Variants in LINGO2 observed in about 807,000 individuals in gnomAD.
LINGO2 encodes leucine rich repeat and Ig domain containing 2, also known as leucine-rich repeat and immunoglobulin-like domain-containing nogo receptor-interacting protein 2.
Under a neutral mutation model 30.6 loss-of-function variants are expected in LINGO2, and 14 were observed. The observed-to-expected ratio is 0.46, with a 90% CI of 0.30 to 0.72. The LOEUF (loss-of-function observed/expected upper bound fraction) is 0.72. LINGO2 is among the 30% of genes least tolerant of loss of function. LINGO2 has a pLI of 0.07. For missense variants in LINGO2, 729 were observed against 751.7 expected (o/e 0.97, Z 0.35); for synonymous variants, 317 against 288.5 (o/e 1.10, Z -1.00).
the LINGO2 span, among the ~76,000 whole-genome samples, chr9:28,763,991 A>AG: frequency 2.2e-4 from 34 of 151,976 alleles, no homozygotes; most frequent in African/African-American, 8.2e-4. Context: ...AAGTCTGAAT[A>AG]GACCAATAAC....
intron 3 of LINGO2, among the ~76,000 whole-genome samples, chr9:28,338,611 G>A (rs771680753): frequency 6.6e-6 from 1 of 152,124 alleles, no homozygotes; most frequent in Non-Finnish European, 1.5e-5. Flanking sequence ...GGAGGGACCA[G>A]TGGAAGGTAA....
At chr9:27,977,096 C>A (rs1420900420) in intron 5 of LINGO2, among the ~76,000 whole-genome samples, 10 of 150,026 alleles carry the variant, frequency 6.7e-5, no homozygotes, top group African/African-American at 2.4e-4. Context: ...TGCTATCTCT[C>A]AATAATTACG....
intron 4 of LINGO2, among the ~76,000 whole-genome samples, chr9:28,040,034 G>A (rs1394212232): frequency 6.6e-6 from 1 of 152,062 alleles, no homozygotes; most frequent in Non-Finnish European, 1.5e-5. Context: ...CATGAGATAA[G>A]GTGAACTATT....
chr9:28,196,011 C>G (rs543531031), intron 4 of LINGO2, among the ~76,000 whole-genome samples: 1 of 151,438 alleles, frequency 6.6e-6, no homozygotes, highest in East Asian at 1.9e-4. Flanking sequence ...TTTATATAAT[C>G]AACTATATTA....
At chr9:28,703,878 T>C in the LINGO2 span, among the ~76,000 whole-genome samples, 1 of 151,998 alleles carries the variant, frequency 6.6e-6, no homozygotes, top group Non-Finnish European at 1.5e-5. Flanking sequence ...TCCTATTCCT[T>C]GTATTATTTT....
rs543587914 is a variant in LINGO2, at chr9:28,552,655, T to C, written c.-364-76630A>G. Among the ~76,000 whole-genome samples the C allele has an allele frequency of 7.9e-5, 12 of 151,758 alleles. No individual in the cohort carries two copies. The East Asian group carries it at 2.3e-3, about 29-fold the overall frequency. ...GGGAACTTTTTATGATTTTTTTTTT[T>C]CATGAATTCCTATGCTATATTTTCT... On this transcript the variant is annotated intron_variant, in intron 1 of 5. Coordinates refer to ENST00000379992, the Ensembl canonical transcript of LINGO2.
rs1393039277 is a variant in LINGO2, at chr9:28,632,855, T to TA, written c.-365+37344_-365+37345insT. On this transcript the variant is annotated intron_variant, in intron 1 of 5. Coordinates refer to ENST00000379992, the Ensembl canonical transcript of LINGO2. ...TATATATATAAATCTATATATATTT[T>TA]TTATATATATATATATATATATATG... Among the ~76,000 whole-genome samples the TA allele has an allele frequency of 1.1e-3, 116 of 106,384 alleles. 1 individual carries two copies. Among genetic ancestry groups the TA allele is most frequent in the Admixed American group, 1.3e-3 (11 of 8,490 alleles). 69.8% of individuals were successfully genotyped at this position (106,384 alleles called of 152,430 possible).
intron 4 of LINGO2, among the ~76,000 whole-genome samples, chr9:28,061,501 CTTTT>C (rs201404934): frequency 2.7e-5 from 4 of 150,722 alleles, no homozygotes; most frequent in African/African-American, 9.8e-5. Flanking sequence ...TCACCAGATT[CTTTT>C]TTTTTGTTTT....
the LINGO2 span, among the ~76,000 whole-genome samples, chr9:28,996,150 C>A: frequency 2.0e-5 from 3 of 150,528 alleles, no homozygotes; most frequent in Non-Finnish European, 4.4e-5. Flanking sequence ...TGAAGTAAGG[C>A]CTCCTTGCCA....
At chr9:28,922,045 TTG>T in the LINGO2 span, among the ~76,000 whole-genome samples, 1 of 152,118 alleles carries the variant, frequency 6.6e-6, no homozygotes, top group Non-Finnish European at 1.5e-5. Flanking sequence ...TAACAGCTCT[TTG>T]TGTACAGGCA....
the LINGO2 span, among the ~76,000 whole-genome samples, chr9:28,707,299 G>A: frequency 1.3e-5 from 2 of 152,074 alleles, no homozygotes; most frequent in Non-Finnish European, 2.9e-5. Flanking sequence ...GACACAGCAT[G>A]TAGGATGCAA....
chr9:28,952,661 G>A, the LINGO2 span, among the ~76,000 whole-genome samples: 3 of 151,940 alleles, frequency 2.0e-5, no homozygotes, highest in Admixed American at 2.0e-4. Context: ...CGAGACCTAT[G>A]GCCCCCTGAC....
chr9:29,192,154 C>A, the LINGO2 span, among the ~76,000 whole-genome samples: 1 of 152,082 alleles, frequency 6.6e-6, no homozygotes, highest in African/African-American at 2.4e-5. Context: ...TTAGGGTTGT[C>A]AAATTTATTC....
the LINGO2 span, among the ~76,000 whole-genome samples, chr9:28,898,662 C>A: frequency 6.6e-6 from 1 of 151,930 alleles, no homozygotes; most frequent in Non-Finnish European, 1.5e-5. Context: ...GAGTTGCTTT[C>A]TCTCCAAATA....
chr9:28,058,073 TGCCCA>T (rs1825015974), intron 4 of LINGO2, among the ~76,000 whole-genome samples: 1 of 152,152 alleles, frequency 6.6e-6, no homozygotes, highest in Non-Finnish European at 1.5e-5. Context: ...ATTTAGTAAG[TGCCCA>T]ATAAATAGTT....
upstream of LINGO2, among the ~76,000 whole-genome samples, chr9:28,674,873 C>G (rs1829157031): frequency 6.6e-6 from 1 of 152,080 alleles, no homozygotes; most frequent in African/African-American, 2.4e-5. Context: ...GATCGGCAGC[C>G]TCTCACCTGA....
At chr9:28,991,715 A>C in the LINGO2 span, among the ~76,000 whole-genome samples, 1 of 151,354 alleles carries the variant, frequency 6.6e-6, no homozygotes, top group South Asian at 2.1e-4. Context: ...AGTATTCAAC[A>C]TTCTTAAAGA....
chr9:28,878,262 C>T, the LINGO2 span, among the ~76,000 whole-genome samples: 2 of 152,106 alleles, frequency 1.3e-5, no homozygotes, highest in African/African-American at 4.8e-5. Context: ...TTCCTCGACA[C>T]ATACACCCTC....
At chr9:28,870,329 C>T in the LINGO2 span, among the ~76,000 whole-genome samples, 1 of 152,042 alleles carries the variant, frequency 6.6e-6, no homozygotes, top group African/African-American at 2.4e-5. Context: ...GTACTTCCCA[C>T]TCTAACCTAA....
Sources: gnomAD v4.1 joint callset for allele counts (sites outside exome capture counted in the v4.1 genomes callset) on GRCh38, gnomAD v4.1.1 for gene constraint, MANE v1.5 for transcripts, NCBI Gene and HGNC (gene_info 2026-07-23, HGNC 2026-07-21) for gene names.